PTPRF: variants seen among roughly 807,000 people sequenced by gnomAD.
PTPRF encodes the protein receptor-type tyrosine-protein phosphatase F.
In PTPRF, 59 loss-of-function variants were observed where a neutral mutation model predicts 201.8. That is an observed-to-expected ratio of 0.29 (90% CI 0.24 to 0.36). PTPRF has a LOEUF of 0.36. Ranked by LOEUF, PTPRF falls within the 10% of genes least tolerant of loss-of-function variation. The pLI is 1.00. For missense variants in PTPRF, 2,132 were observed against 2,690.5 expected, an observed-to-expected ratio of 0.79 and a Z score of 4.59; for synonymous variants, 1,088 against 1,089.7, an observed-to-expected ratio of 1.00 and a Z score of 0.03.
intron 20 of PTPRF, 29 bp downstream of exon 20, chr1:43,606,487 A>G (rs374364907): frequency 5.7e-6 from 9 of 1,586,538 alleles, no homozygotes; most frequent in Non-Finnish European, 7.7e-6. Flanking sequence ...GGCTGTCAGC[A>G]CCCTGATTCC....
intron 7 of PTPRF, among the ~76,000 whole-genome samples, chr1:43,581,664 G>T (rs1305437349): frequency 6.6e-6 from 1 of 152,220 alleles, no homozygotes; most frequent in East Asian, 1.9e-4. Flanking sequence ...GCCTGTACTG[G>T]GCTGACCACC....
At chr1:43,565,394 CA>C (rs1157846964) in intron 5 of PTPRF, among the ~76,000 whole-genome samples, 1 of 152,230 alleles carries the variant, frequency 6.6e-6, no homozygotes, top group Non-Finnish European at 1.5e-5. Flanking sequence ...CAGTTAGGTG[CA>C]GGAGGCATTC....
Position 43,553,356 on chromosome 1 carries a change from C to G in PTPRF, c.92-136C>G, listed in dbSNP as rs866026949. The G allele has an allele frequency of 2.0e-6, 2 of 984,282 alleles. No homozygotes were observed. The highest frequency in any genetic ancestry group is 4.3e-4 in the Middle Eastern group (2 of 4,626). 61.0% of individuals were successfully genotyped at this position (984,282 alleles called of 1,614,324 possible). On this transcript the variant is annotated intron_variant, in intron 3 of 33. Transcript: ENST00000359947. The surrounding 1 kb of genome is among the most constrained non-coding windows in gnomAD (Gnocchi z 4.1). ...CTCTCTGAACAGTGCCTGGCACATA[C>G]TAAGCGCTACATAAAGGTGAGGTGT...
chr1:43,569,505 C>A (rs1646424772), intron 5 of PTPRF, 85 bp from the exon 6 acceptor site: 1 of 1,416,342 alleles, frequency 7.1e-7, no homozygotes. Flanking sequence ...CCCTGGCCAA[C>A]CTGCAGTTGG....
intron 5 of PTPRF, among the ~76,000 whole-genome samples, chr1:43,560,358 A>C (rs1362616914): frequency 1.3e-5 from 2 of 151,618 alleles, no homozygotes; most frequent in Non-Finnish European, 2.9e-5. Context: ...GTGCTTGTAC[A>C]TGCAGCACAT....
chr1:43,541,801 A>G (rs1348974476), intron 2 of PTPRF, among the ~76,000 whole-genome samples: 1 of 152,202 alleles, frequency 6.6e-6, no homozygotes, highest in Non-Finnish European at 1.5e-5. Context: ...GTCCAATTAT[A>G]TTCTATAATA....
chr1:43,544,962 C>T (rs911124773), intron 2 of PTPRF, 69 bp from the exon 3 acceptor site: 8 of 889,692 alleles, frequency 9.0e-6, no homozygotes, highest in Admixed American at 5.4e-5. Context: ...GGTCAGAAAG[C>T]GTCAGGGGTG....
intron 2 of PTPRF, among the ~76,000 whole-genome samples, chr1:43,540,106 T>G (rs1360088157): frequency 1.3e-5 from 2 of 152,134 alleles, no homozygotes; most frequent in Non-Finnish European, 2.9e-5. Context: ...CAGATAACCC[T>G]TATTGTGGGG....
chr1:43,540,864 C>T (rs948481041), intron 2 of PTPRF, among the ~76,000 whole-genome samples: 4 of 152,366 alleles, frequency 2.6e-5, no homozygotes, highest in East Asian at 1.9e-4. Context: ...AATTTATTCC[C>T]GTCATAATCC....
intron 25 of PTPRF, 114 bp from the exon 26 acceptor site, chr1:43,618,515 TG>T (rs1196997836): frequency 4.5e-6 from 6 of 1,344,966 alleles, no homozygotes; most frequent in African/African-American, 2.9e-5. Context: ...AGCTCAGGGC[TG>T]GGGGGCTTTG....
chr1:43,612,148 G>A (rs928529049), intron 22 of PTPRF, among the ~76,000 whole-genome samples: 1 of 152,170 alleles, frequency 6.6e-6, no homozygotes, highest in African/African-American at 2.4e-5. Context: ...TGCAAGGGAC[G>A]AGAGGACTTA....
intron 33 of PTPRF, among the ~76,000 whole-genome samples, chr1:43,621,470 G>A (rs9783098): frequency 0.13 from 19,495 of 152,214 alleles, 1,706 homozygotes; most frequent in African/African-American, 0.25. Flanking sequence ...ATTATACCAC[G>A]GCACTCCAGC....
chr1:43,615,614 T>A (rs1193120431), intron 23 of PTPRF, among the ~76,000 whole-genome samples: 1 of 139,146 alleles, frequency 7.2e-6, no homozygotes, highest in Non-Finnish European at 1.5e-5. Flanking sequence ...TCATCCAGGC[T>A]GGAGTGCAGT....
At chr1:43,561,754 G>GT (rs1645821273) in intron 5 of PTPRF, among the ~76,000 whole-genome samples, 1 of 152,178 alleles carries the variant, frequency 6.6e-6, no homozygotes, top group Non-Finnish European at 1.5e-5. Context: ...GATGGGGATG[G>GT]GAGAGGTATT....
At chr1:43,547,835 G>A (rs1181681893) in intron 3 of PTPRF, among the ~76,000 whole-genome samples, 2 of 152,238 alleles carry the variant, frequency 1.3e-5, no homozygotes, top group African/African-American at 4.8e-5. Context: ...AGGATCTGCT[G>A]CAGCGCAGCT....
At chr1:43,596,995 TTGTG>T (rs1300496759) in intron 11 of PTPRF, among the ~76,000 whole-genome samples, 1 of 152,002 alleles carries the variant, frequency 6.6e-6, no homozygotes, top group Middle Eastern at 3.4e-3. Flanking sequence ...CTCCAAGACA[TTGTG>T]TGTGTGTGAC....
intron 11 of PTPRF, among the ~76,000 whole-genome samples, chr1:43,597,321 A>T (rs1652561254): frequency 6.6e-6 from 1 of 151,834 alleles, no homozygotes; most frequent in African/African-American, 2.4e-5. Flanking sequence ...ACTATGTGTG[A>T]GACACTATGT....
At chr1:43,606,739 C>A in intron 20 of PTPRF, 75 bp from the exon 21 acceptor site, 1 of 1,563,176 alleles carries the variant, frequency 6.4e-7, no homozygotes, top group South Asian at 1.2e-5. Context: ...AGAGCCCTTT[C>A]TCCAGGATTA....
rs114193361 is a variant in PTPRF at position 43,542,210 on chromosome 1, C to T, written c.-45-2821C>T. ...TGGGAGTGGCCTGAACCGCCTGACA[C>T]CAGGGCAGGCTCTGTGCCCGGAGTC... On this transcript the variant is annotated intron_variant, in intron 2 of 33. Transcript: ENST00000359947. This position sits in a 1 kb window ranked among gnomAD's most constrained non-coding sequence, Gnocchi z 5.2. 0.01 allele frequency among the ~76,000 whole-genome samples: 1,560 copies of T among 152,272 alleles called. 17 individuals are homozygous for T. The highest frequency in any genetic ancestry group is 0.017 in the Non-Finnish European group (1,133 of 68,020).
Sources: allele counts gnomAD v4.1 joint callset (sites outside exome capture counted in the v4.1 genomes callset), GRCh38; gene constraint gnomAD v4.1.1; non-coding constraint Gnocchi (gnomAD v3.1); transcripts MANE v1.5; gene names NCBI Gene and HGNC (gene_info 2026-07-23, HGNC 2026-07-21).